ZFHX3: variants seen among roughly 807,000 people sequenced by gnomAD.
ZFHX3 encodes zinc finger homeobox 3.
A neutral mutation model predicts 279.1 loss-of-function variants in ZFHX3; 42 were observed. That is an observed-to-expected ratio of 0.15 (90% confidence interval 0.12 to 0.19). The LOEUF is 0.19. ZFHX3 is among the 10% of genes least tolerant of loss of function. ZFHX3 has a pLI of 1.00. For synonymous variants in ZFHX3, 2,293 were observed against 1,957.8 expected, an observed-to-expected ratio of 1.17 and a Z score of -4.52; for missense variants, 4,981 against 4,754.0, an observed-to-expected ratio of 1.05 and a Z score of -1.40.
At chr16:73,465,992 T>C (rs1421243023) in intron 2 of ZFHX3, among the ~76,000 whole-genome samples, 1 of 146,436 alleles carries the variant, frequency 6.8e-6, no homozygotes, top group African/African-American at 2.5e-5. Flanking sequence ...TGCACAGAGC[T>C]CTTCACAAAG....
At chr16:73,319,593 C>G (rs570924105) in intron 3 of ZFHX3, among the ~76,000 whole-genome samples, 1 of 151,560 alleles carries the variant, frequency 6.6e-6, no homozygotes, top group South Asian at 2.1e-4. Context: ...GCCACCAATA[C>G]GTGTGATCAT....
At chr16:72,985,848 G>A (rs564482399) in intron 1 of ZFHX3, among the ~76,000 whole-genome samples, 110 of 152,228 alleles carry the variant, frequency 7.2e-4, no homozygotes, top group Non-Finnish European at 8.8e-4. Context: ...GAAGCTGACC[G>A]CAGCACAGTT....
At chr16:72,909,564 G>C (rs1442237493) in intron 3 of ZFHX3, among the ~76,000 whole-genome samples, 1 of 152,046 alleles carries the variant, frequency 6.6e-6, no homozygotes, top group Non-Finnish European at 1.5e-5. Context: ...AGCAAAATAA[G>C]TTTCTTACAA....
intron 3 of ZFHX3, among the ~76,000 whole-genome samples, chr16:72,923,254 G>C (rs2144249364): frequency 6.6e-6 from 1 of 152,164 alleles, no homozygotes; most frequent in Non-Finnish European, 1.5e-5. Flanking sequence ...CACCAGCCTG[G>C]GCAACATGGC....
rs183366711 is a variant in ZFHX3, at chr16:73,678,143, G to T, written c.-1547+2037C>A. 2.1e-3 allele frequency among the ~76,000 whole-genome samples: 314 copies of T among 152,182 alleles called. 1 individual carries two copies. Among genetic ancestry groups the T allele is most frequent in the Admixed American group, 3.5e-3 (53 of 15,262 alleles). On this transcript the variant is annotated intron_variant, in intron 2 of 17. Transcript: ENST00000641206. ...CATAAACATTACAGTAGTGATACAGGAAATTATTTATATTAGCAAAATCAG... is the reference window on the plus strand; with the variant it reads ...CATAAACATTACAGTAGTGATACAGTAAATTATTTATATTAGCAAAATCAG...
chr16:73,434,371 G>C (rs73597029), intron 3 of ZFHX3, among the ~76,000 whole-genome samples: 6 of 152,122 alleles, frequency 3.9e-5, no homozygotes, highest in Non-Finnish European at 8.8e-5. Context: ...CAGGGACTGA[G>C]GACTAATTAG....
chr16:72,902,267 T>C (rs934027737), intron 3 of ZFHX3, among the ~76,000 whole-genome samples: 2 of 152,158 alleles, frequency 1.3e-5, no homozygotes, highest in African/African-American at 2.4e-5. Flanking sequence ...TTCGTTCCTT[T>C]AAGAGGTTCT....
At chr16:73,597,115 T>A (rs1400926207) in intron 2 of ZFHX3, among the ~76,000 whole-genome samples, 3 of 152,194 alleles carry the variant, frequency 2.0e-5, no homozygotes, top group Non-Finnish European at 4.4e-5. Flanking sequence ...ACCACCGATT[T>A]GCACCTCCCT....
At chr16:73,877,700 T>C (rs572084691) in intron 1 of ZFHX3, among the ~76,000 whole-genome samples, 2 of 152,222 alleles carry the variant, frequency 1.3e-5, no homozygotes, top group Admixed American at 6.5e-5. Context: ...ATCAGGGAAA[T>C]ATAGATTATA....
chr16:73,106,118 TG>T (rs1396578069), intron 7 of ZFHX3, among the ~76,000 whole-genome samples: 1 of 152,110 alleles, frequency 6.6e-6, no homozygotes, highest in Non-Finnish European at 1.5e-5. Context: ...CCCTGAGCTT[TG>T]GCTACTGCCT....
chr16:73,134,861 A>AT (rs1228136516), intron 6 of ZFHX3, among the ~76,000 whole-genome samples: 5 of 151,964 alleles, frequency 3.3e-5, no homozygotes, highest in African/African-American at 4.8e-5. Context: ...TCATCATGTG[A>AT]TTTTTTCTCT....
intron 1 of ZFHX3, among the ~76,000 whole-genome samples, chr16:73,691,197 C>T (rs1344331892): frequency 6.6e-6 from 1 of 152,172 alleles, no homozygotes; most frequent in Non-Finnish European, 1.5e-5. Context: ...TTTCTAAAGA[C>T]AGTCCTGGTG....
chr16:73,040,463 C>G (rs1280695893), intron 1 of ZFHX3, among the ~76,000 whole-genome samples: 3 of 152,014 alleles, frequency 2.0e-5, no homozygotes, highest in Admixed American at 1.3e-4. Flanking sequence ...TTAGCATACA[C>G]AAGCCAGCCG....
At chr16:73,074,367 A>G (rs2144758897) in intron 8 of ZFHX3, among the ~76,000 whole-genome samples, 1 of 152,322 alleles carries the variant, frequency 6.6e-6, no homozygotes, top group South Asian at 2.1e-4. Flanking sequence ...AATAATAGCA[A>G]CAAGATCCAT....
At chr16:73,396,922 G>A (rs182350549) in intron 3 of ZFHX3, among the ~76,000 whole-genome samples, 16 of 152,328 alleles carry the variant, frequency 1.1e-4, no homozygotes, top group Non-Finnish European at 2.2e-4. Flanking sequence ...TACCAGCACA[G>A]ATGAGCCTAA....
chr16:73,521,485 A>G (rs2019607424), intron 2 of ZFHX3, among the ~76,000 whole-genome samples: 2 of 152,172 alleles, frequency 1.3e-5, no homozygotes, highest in South Asian at 4.1e-4. Context: ...TAAACCCTAC[A>G]GACAGGGCGG....
At chr16:72,869,547 C>T (rs1275135392) in intron 4 of ZFHX3, among the ~76,000 whole-genome samples, 1 of 151,826 alleles carries the variant, frequency 6.6e-6, no homozygotes, top group African/African-American at 2.4e-5. Context: ...CTCCATTCCT[C>T]GTTTGACACC....
intron 5 of ZFHX3, among the ~76,000 whole-genome samples, chr16:73,252,694 C>T (rs992516886): frequency 6.6e-6 from 1 of 152,110 alleles, no homozygotes; most frequent in African/African-American, 2.4e-5. Context: ...AATGTAGAAA[C>T]ATCGGTCACA....
intron 8 of ZFHX3, among the ~76,000 whole-genome samples, chr16:73,075,801 T>TTTTG (rs1369626979): frequency 2.6e-5 from 4 of 152,040 alleles, no homozygotes; most frequent in Non-Finnish European, 4.4e-5. Flanking sequence ...GCCTGGCTAA[T>TTTTG]TTTTGTATTT....
Sources: gnomAD v4.1 joint callset for allele counts (sites outside exome capture counted in the v4.1 genomes callset) on GRCh38, gnomAD v4.1.1 for gene constraint, MANE v1.5 for transcripts, NCBI Gene and HGNC (gene_info 2026-07-23, HGNC 2026-07-21) for gene names.